Variants in ATP8B1 observed in about 807,000 individuals in gnomAD.
ATP8B1 encodes phospholipid-transporting ATPase IC.
A neutral mutation model predicts 149.9 loss-of-function variants in ATP8B1; 80 were observed. The observed-to-expected ratio is 0.53, with a 90% CI of 0.45 to 0.64. ATP8B1 has a LOEUF of 0.64. ATP8B1 is among the 30% of genes least tolerant of loss of function. The pLI is 0.00. For missense variants in ATP8B1, 1,247 were observed against 1,552.6 expected (o/e 0.80, Z 3.31); for synonymous variants, 536 against 562.8 (o/e 0.95, Z 0.67).
intron 1 of ATP8B1, among the ~76,000 whole-genome samples, chr18:57,789,205 C>A (rs985104708): frequency 6.6e-6 from 1 of 152,160 alleles, no homozygotes; most frequent in Non-Finnish European, 1.5e-5. Context: ...CATCATTTAT[C>A]TGAGATTCAA....
At chr18:57,791,340 T>C (rs1414211382) in intron 1 of ATP8B1, among the ~76,000 whole-genome samples, 1 of 142,368 alleles carries the variant, frequency 7.0e-6, no homozygotes, top group Admixed American at 6.9e-5. Context: ...TTTTTCTTTT[T>C]CTTTTCTTTT....
At chr18:57,795,450 A>C (rs2080505640) in intron 1 of ATP8B1, among the ~76,000 whole-genome samples, 1 of 152,144 alleles carries the variant, frequency 6.6e-6, no homozygotes, top group Non-Finnish European at 1.5e-5. Context: ...AGAGGTGAAA[A>C]CTACCCAAAT....
Position 57,700,545 on chromosome 18 carries a change from T to C in ATP8B1, c.554+494A>G, listed in dbSNP as rs76492378. Among the ~76,000 whole-genome samples, 446 of 152,362 alleles carry C rather than the reference T, an allele frequency of 2.9e-3. 7 individuals are homozygous for C. Among genetic ancestry groups the C allele is most frequent in the South Asian group, 0.029 (139 of 4,828 alleles). Reference sequence around the variant, plus strand: ...TTTAATGAATATTTCCTATGGAATTTAGTACTCAAAATAGTCATCTTTTTA... The same window carrying C: ...TTTAATGAATATTTCCTATGGAATTCAGTACTCAAAATAGTCATCTTTTTA... On this transcript the variant is annotated intron_variant, in intron 6 of 27. Transcript: ENST00000648908.
chr18:57,668,676 C>T (rs540222350), intron 18 of ATP8B1, 136 bp from the exon 19 acceptor site: 1 of 610,674 alleles, frequency 1.6e-6, no homozygotes, highest in South Asian at 2.1e-5. Flanking sequence ...GGCCAATGGC[C>T]AGTGTTAACA....
intron 2 of ATP8B1, among the ~76,000 whole-genome samples, chr18:57,717,958 C>G (rs2079599772): frequency 6.6e-6 from 1 of 151,854 alleles, no homozygotes; most frequent in Non-Finnish European, 1.5e-5. Flanking sequence ...GTTGGCCAGG[C>G]TGGTCTCAAA....
At chr18:57,653,036 TCC>T (rs1909731846) in intron 24 of ATP8B1, among the ~76,000 whole-genome samples, 1 of 152,220 alleles carries the variant, frequency 6.6e-6, no homozygotes, top group Admixed American at 6.5e-5. Context: ...TGTTTTTACC[TCC>T]TGAGTGAATA....
intron 17 of ATP8B1, among the ~76,000 whole-genome samples, chr18:57,671,151 G>C (rs995205293): frequency 6.6e-5 from 10 of 152,156 alleles, no homozygotes; most frequent in African/African-American, 2.4e-4. Context: ...CACATAGTAA[G>C]ACTACAACCT....
chr18:57,682,160 A>G (rs1240582197), intron 15 of ATP8B1, among the ~76,000 whole-genome samples: 1 of 151,942 alleles, frequency 6.6e-6, no homozygotes, highest in African/African-American at 2.4e-5. Flanking sequence ...ACATGCCACC[A>G]TGCTTGGCTA....
chr18:57,780,517 G>C (rs2080347445), intron 1 of ATP8B1, among the ~76,000 whole-genome samples: 1 of 152,118 alleles, frequency 6.6e-6, no homozygotes, highest in Admixed American at 6.5e-5. Context: ...GTGGAGAGCA[G>C]GCAAACCAGA....
intron 1 of ATP8B1, among the ~76,000 whole-genome samples, chr18:57,799,701 T>A: frequency 9.4e-6 from 1 of 105,866 alleles, no homozygotes. Flanking sequence ...CAAGACTCTG[T>A]CTCAAAAAAA....
intron 1 of ATP8B1, among the ~76,000 whole-genome samples, chr18:57,776,513 G>A (rs1180098149): frequency 6.6e-6 from 1 of 152,088 alleles, no homozygotes. Context: ...GAGGGTGGGA[G>A]CCCACCCACA....
rs368830215 is a variant in ATP8B1, at chr18:57,688,515, G to T, written c.1221-8C>A. 1 of 1,613,804 alleles carries T rather than the reference G, an allele frequency of 6.2e-7. No homozygotes were observed. Among genetic ancestry groups the T allele is most frequent in the African/African-American group, 1.3e-5 (1 of 74,944 alleles). ...AGACGAATCACTTCCACGCTAGGAA[G>T]ACAGAAGATTATTTTCCGTAGAGAG... On this transcript the variant is annotated splice_region_variant and splice_polypyrimidine_tract_variant and intron_variant, in intron 12 of 27. Coordinates refer to ENST00000648908, the MANE Select transcript of ATP8B1 (RefSeq NM_001374385.1).
rs555456853 is a variant in ATP8B1, at chr18:57,746,663, A to G, written c.-25-14831T>C. On this transcript the variant is annotated intron_variant, in intron 1 of 27. Transcript: ENST00000648908. ...GCTAATTTTTGTATTTTTAGTAGAGACAGGGTTTTACCATATTGGCCAGCC... is the reference window on the plus strand; with the variant it reads ...GCTAATTTTTGTATTTTTAGTAGAGGCAGGGTTTTACCATATTGGCCAGCC... 3.3e-5 allele frequency among the ~76,000 whole-genome samples: 5 copies of G among 151,862 alleles called. No individual in the cohort carries two copies. In the South Asian group the frequency reaches 1.0e-3, roughly 32 times the overall value.
At chr18:57,732,388 T>C (rs1293592194) in intron 1 of ATP8B1, among the ~76,000 whole-genome samples, 3 of 148,886 alleles carry the variant, frequency 2.0e-5, no homozygotes, top group African/African-American at 7.4e-5. Flanking sequence ...CAAGGCAATA[T>C]TTCAAATTAG....
At chr18:57,688,606 T>G in intron 12 of ATP8B1, 99 bp from the exon 13 acceptor site, 1 of 1,183,096 alleles carries the variant, frequency 8.5e-7, no homozygotes, top group Non-Finnish European at 1.2e-6. Flanking sequence ...AAGCTGCTTA[T>G]TTACTGCTAT....
chr18:57,651,262 C>T (rs536023510), intron 26 of ATP8B1, among the ~76,000 whole-genome samples: 34 of 152,148 alleles, frequency 2.2e-4, no homozygotes, highest in African/African-American at 7.2e-4. Context: ...TGCGCCACCA[C>T]GCTTGGCTAA....
intron 2 of ATP8B1, among the ~76,000 whole-genome samples, chr18:57,724,437 G>A (rs973554277): frequency 2.6e-4 from 40 of 151,326 alleles, no homozygotes; most frequent in African/African-American, 6.5e-4. Context: ...AAAAGTGGGC[G>A]AAGGACATGA....
In ATP8B1 at chr18:57,685,114, C is replaced by T; in HGVS notation, c.1431G>A (p.Gly477=). 1.2e-6 allele frequency: 2 copies of T among 1,614,116 alleles called. No individual in the cohort carries two copies. Among genetic ancestry groups the T allele is most frequent in the Non-Finnish European group, 1.7e-6 (2 of 1,179,998 alleles). The part of the protein sequence containing the change: ...KKCCINGQIY[G]DHRDASQHNH... ...TGTGTTGAGAGGCATCCCGATGGTC[C>T]CCTGAGAAACAAACAGGACAAAACA... The change falls in exon 14 of 28, where the codon GGG becomes GGA. Residue 477 remains glycine (G), a splice_region_variant and synonymous_variant. Coordinates refer to ENST00000648908, the MANE Select transcript of ATP8B1 (RefSeq NM_001374385.1).
At chr18:57,735,974 C>CT (rs2079849663) in intron 1 of ATP8B1, among the ~76,000 whole-genome samples, 1 of 145,206 alleles carries the variant, frequency 6.9e-6, no homozygotes. Flanking sequence ...CTTGCCCCCC[C>CT]CACCCCCACC....
Sources: allele counts gnomAD v4.1 joint callset (sites outside exome capture counted in the v4.1 genomes callset), GRCh38; gene constraint gnomAD v4.1.1; transcripts MANE v1.5; gene names NCBI Gene and HGNC (gene_info 2026-07-23, HGNC 2026-07-21).